GALNT13: variants seen among roughly 807,000 people sequenced by gnomAD.
The protein encoded by GALNT13 is UDP-GalNAc:polypeptide N-acetylgalactosaminyltransferase 13.
GALNT13 carries 28 observed loss-of-function variants against 64.2 expected under a neutral mutation model. The ratio of observed to expected loss-of-function variants is 0.44; its 90% confidence interval spans 0.32 to 0.60. The LOEUF (loss-of-function observed/expected upper bound fraction) is 0.60, where lower values mean the gene tolerates loss of function less well. Ranked by LOEUF, GALNT13 falls within the 20% of genes least tolerant of loss-of-function variation. The probability of loss-of-function intolerance (pLI) is 0.05; values close to 1 mark genes in which losing one functional copy is unlikely to be tolerated. For synonymous variants in GALNT13, 214 were observed against 224.6 expected (o/e 0.95, Z 0.42); for missense variants, 577 against 669.8 (o/e 0.86, Z 1.53).
At chr2:153,318,750 T>G in the GALNT13 span, among the ~76,000 whole-genome samples, 1 of 152,220 alleles carries the variant, frequency 6.6e-6, no homozygotes, top group South Asian at 2.1e-4. Context: ...TCTGCACTAA[T>G]ATTATCTATG....
chr2:153,572,500 T>C, the GALNT13 span, among the ~76,000 whole-genome samples: 4 of 152,034 alleles, frequency 2.6e-5, no homozygotes, highest in African/African-American at 7.2e-5. Flanking sequence ...TTTGGTTTGC[T>C]CTCTTTTTTA....
At chr2:153,445,865 ACTAT>A in the GALNT13 span, among the ~76,000 whole-genome samples, 1 of 152,158 alleles carries the variant, frequency 6.6e-6, no homozygotes, top group South Asian at 2.1e-4. Context: ...CATTCTCATC[ACTAT>A]CTTTTAACAT....
chr2:154,176,420 T>C (rs975872036), intron 4 of GALNT13, among the ~76,000 whole-genome samples: 17 of 151,668 alleles, frequency 1.1e-4, no homozygotes, highest in Admixed American at 1.1e-3. Context: ...GCCTGGCTAA[T>C]TTTTTGTATT....
At chr2:153,380,580 TG>T in the GALNT13 span, among the ~76,000 whole-genome samples, 15 of 149,724 alleles carry the variant, frequency 1.0e-4, no homozygotes, top group African/African-American at 3.7e-4. Context: ...GGTAAGGGGG[TG>T]GGGGGTCCTG....
At chr2:153,683,076 G>A in the GALNT13 span, among the ~76,000 whole-genome samples, 7 of 151,776 alleles carry the variant, frequency 4.6e-5, no homozygotes, top group Non-Finnish European at 8.8e-5. Flanking sequence ...AATATGATGC[G>A]GCTCCATTGA....
chr2:153,163,846 C>G, the GALNT13 span, among the ~76,000 whole-genome samples: 3 of 151,924 alleles, frequency 2.0e-5, no homozygotes, highest in East Asian at 5.8e-4. Context: ...GGTGAAACCC[C>G]ATCTCTACTA....
intron 2 of GALNT13, among the ~76,000 whole-genome samples, chr2:153,914,483 CAAAAA>C (rs762980653): frequency 8.5e-6 from 1 of 117,048 alleles, no homozygotes; most frequent in Non-Finnish European, 1.8e-5. Flanking sequence ...GTCTCCGTCT[CAAAAA>C]AAAAAAAAAA....
chr2:153,983,663 A>G (rs1356652573), intron 3 of GALNT13, among the ~76,000 whole-genome samples: 2 of 152,004 alleles, frequency 1.3e-5, no homozygotes, highest in Non-Finnish European at 2.9e-5. Context: ...CCATTTGCAT[A>G]ATAAAGTAGT....
chr2:153,478,820 C>T, the GALNT13 span: 2 of 441,034 alleles, frequency 4.5e-6, no homozygotes, highest in East Asian at 3.7e-5. Flanking sequence ...CGAGGGGGGG[C>T]TGTTGGAACT....
In GALNT13 at chr2:154,088,784, A is replaced by G. The variant is rs115850057; in HGVS notation, c.143-51553A>G. 9.8e-3 allele frequency among the ~76,000 whole-genome samples: 1,496 copies of G among 152,258 alleles called. 30 individuals carry two copies. Among genetic ancestry groups the G allele is most frequent in the African/African-American group, 0.031 (1,306 of 41,578 alleles). On this transcript the variant is annotated intron_variant, in intron 3 of 12. Transcript: ENST00000392825. Reference sequence around the variant, plus strand: ...TATTTTAAAATGAAACATCAGGAACATTTTGAAAAACATTTTTGCATAAAG... The same window carrying G: ...TATTTTAAAATGAAACATCAGGAACGTTTTGAAAAACATTTTTGCATAAAG...
the GALNT13 span, among the ~76,000 whole-genome samples, chr2:153,309,014 C>T: frequency 6.6e-6 from 1 of 151,930 alleles, no homozygotes; most frequent in Non-Finnish European, 1.5e-5. Context: ...GAATGTTCAG[C>T]AATCCAACTG....
intron 3 of GALNT13, among the ~76,000 whole-genome samples, chr2:154,087,252 T>C (rs1196791757): frequency 2.0e-5 from 3 of 152,084 alleles, no homozygotes; most frequent in Non-Finnish European, 1.5e-5. Context: ...TGTAGATTAC[T>C]TGAGCAGATA....
chr2:153,911,999 T>C (rs1452558917), intron 2 of GALNT13, among the ~76,000 whole-genome samples: 4 of 152,222 alleles, frequency 2.6e-5, no homozygotes, highest in African/African-American at 9.7e-5. Context: ...GAATCATGCT[T>C]CCCAAGTTGC....
At chr2:153,511,922 G>C in the GALNT13 span, among the ~76,000 whole-genome samples, 1 of 152,170 alleles carries the variant, frequency 6.6e-6, no homozygotes, top group Non-Finnish European at 1.5e-5. Flanking sequence ...CTGGAGTCCA[G>C]TGTCTGGGAA....
chr2:153,583,935 T>C, the GALNT13 span, among the ~76,000 whole-genome samples: 1 of 151,722 alleles, frequency 6.6e-6, no homozygotes, highest in Non-Finnish European at 1.5e-5. Context: ...GGAAGGAGAG[T>C]TGCTATGAAG....
intron 4 of GALNT13, among the ~76,000 whole-genome samples, chr2:154,227,806 G>A (rs988983968): frequency 6.6e-6 from 1 of 151,868 alleles, no homozygotes; most frequent in Non-Finnish European, 1.5e-5. Context: ...CACCAGTGGC[G>A]CTTGTGGCTG....
intron 11 of GALNT13, among the ~76,000 whole-genome samples, chr2:154,420,483 GT>G (rs1392030463): frequency 6.6e-6 from 1 of 151,894 alleles, no homozygotes; most frequent in African/African-American, 2.4e-5. Context: ...TGCCTAATTC[GT>G]TTTGACTTGA....
At chr2:153,227,019 G>A in the GALNT13 span, among the ~76,000 whole-genome samples, 20 of 152,146 alleles carry the variant, frequency 1.3e-4, no homozygotes, top group Non-Finnish European at 2.2e-4. Flanking sequence ...GAAGGAGAGA[G>A]TGGGGCAATT....
the GALNT13 span, among the ~76,000 whole-genome samples, chr2:153,773,636 C>A: frequency 2.6e-5 from 4 of 152,014 alleles, no homozygotes; most frequent in African/African-American, 9.7e-5. Context: ...ATGGTTGTCA[C>A]ATCATTTACA....
Sources: allele counts gnomAD v4.1 joint callset (sites outside exome capture counted in the v4.1 genomes callset), GRCh38; gene constraint gnomAD v4.1.1; transcripts MANE v1.5; gene names NCBI Gene and HGNC (gene_info 2026-07-23, HGNC 2026-07-21).